ESRP1: variants seen among roughly 807,000 people sequenced by gnomAD.
ESRP1 encodes RNA-binding motif protein 35A.
Under a neutral mutation model 81.7 loss-of-function variants are expected in ESRP1, and 33 were observed. The ratio of observed to expected loss-of-function variants is 0.40; its 90% CI spans 0.31 to 0.54. The LOEUF is 0.54. Ranked by LOEUF, ESRP1 falls within the 20% of genes least tolerant of loss-of-function variation. The pLI, the probability that ESRP1 is intolerant of heterozygous loss-of-function variation, is 0.41. For synonymous variants in ESRP1, 320 were observed against 303.3 expected (o/e 1.06, Z -0.57); for missense variants, 672 against 833.1 (o/e 0.81, Z 2.38).
chr8:94,641,939 C>T lies in ESRP1; in HGVS notation c.133-17C>T. 6.2e-7 allele frequency: 1 copy of T among 1,613,232 alleles called. No homozygotes were observed. Among genetic ancestry groups the T allele is most frequent in the South Asian group, 1.1e-5 (1 of 91,034 alleles). On this transcript the variant is annotated splice_polypyrimidine_tract_variant and intron_variant, in intron 1 of 15. Coordinates refer to ENST00000433389, the MANE Select transcript of ESRP1 (RefSeq NM_017697.4). Reference sequence around the variant, plus strand: ...CGAAATTGGGGGAAACTGACCCGTGCTTCTCTACCTTCGGAGGTGGGACAG... The same window carrying T: ...CGAAATTGGGGGAAACTGACCCGTGTTTCTCTACCTTCGGAGGTGGGACAG...
chr8:94,694,454 A>G (rs1468020581), intron 14 of ESRP1, among the ~76,000 whole-genome samples: 1 of 152,120 alleles, frequency 6.6e-6, no homozygotes, highest in East Asian at 1.9e-4. Context: ...AAATACAAAA[A>G]CTAGCCAGGC....
chr8:94,671,731 C>G (rs1819340117), intron 11 of ESRP1, 60 bp downstream of exon 11: 1 of 1,149,042 alleles, frequency 8.7e-7, no homozygotes, highest in Non-Finnish European at 1.2e-6. Flanking sequence ...TGAGAAATAT[C>G]TAATATTAGA....
chr8:94,695,559 C>T (rs936807132), intron 14 of ESRP1, among the ~76,000 whole-genome samples: 6 of 150,638 alleles, frequency 4.0e-5, no homozygotes, highest in African/African-American at 1.5e-4. Context: ...TTTTACCATG[C>T]TGGCCAGGCT....
chr8:94,683,049 A>G (rs1274646809), intron 13 of ESRP1, among the ~76,000 whole-genome samples: 1 of 144,822 alleles, frequency 6.9e-6, no homozygotes, highest in African/African-American at 2.6e-5. Flanking sequence ...GGTTCAAGCA[A>G]TTCTCCTGCC....
At chr8:94,703,105 A>AGTG (rs1809905349) in intron 15 of ESRP1, among the ~76,000 whole-genome samples, 1 of 77,312 alleles carries the variant, frequency 1.3e-5, no homozygotes, top group East Asian at 3.2e-4. Context: ...TCTGAGATTG[A>AGTG]TTGTTTTTTT....
Position 94,706,008 on chromosome 8 carries a change from G to T in ESRP1, c.*119G>T. The T allele has an allele frequency of 6.9e-7, 1 of 1,455,156 alleles. No homozygotes were observed. The allele number at this position is 1,455,156 out of a possible 1,614,324, so 90.1% of individuals were successfully genotyped here. A position where few individuals can be genotyped will look rare whatever the true frequency, so the allele number is the denominator to read the frequency against. On this transcript the variant is annotated 3_prime_UTR_variant, in exon 16 of 16. Transcript: ENST00000433389. Reference sequence around the variant, plus strand: ...TTCAGGGGAAGTTTGTCTACACTCAGGCTGCAGTATTTTCAGCAAACTTGA... The same window carrying T: ...TTCAGGGGAAGTTTGTCTACACTCATGCTGCAGTATTTTCAGCAAACTTGA...
chr8:94,641,261 A>C lies in ESRP1; in HGVS notation c.-58A>C. On this transcript the variant is annotated 5_prime_UTR_variant, in exon 1 of 16. Coordinates refer to ENST00000433389, the MANE Select transcript of ESRP1 (RefSeq NM_017697.4). ...GTTTAGCACAGGTTTTTTCGTTCTC[A>C]CTTCCACACCACCTTACCGCCTCCC... 1 of 1,548,462 alleles carries C rather than the reference A, an allele frequency of 6.5e-7. No homozygotes were observed. The highest frequency in any genetic ancestry group is 1.2e-5 in the South Asian group (1 of 86,036).
At chr8:94,668,803 G>GTGTGTGTGTGTGTGTT (rs1160118019) in intron 10 of ESRP1, among the ~76,000 whole-genome samples, 1 of 151,556 alleles carries the variant, frequency 6.6e-6, no homozygotes, top group Non-Finnish European at 1.5e-5. Flanking sequence ...GTGTGTGTGT[G>GTGTGTGTGTGTGTGTT]TGTGTTTGAG....
chr8:94,702,848 G>A (rs1459211617), intron 15 of ESRP1, among the ~76,000 whole-genome samples: 6 of 152,144 alleles, frequency 3.9e-5, no homozygotes, highest in African/African-American at 9.7e-5. Context: ...CACCATGCCT[G>A]GCTGTAGAAT....
intron 13 of ESRP1, among the ~76,000 whole-genome samples, chr8:94,689,458 T>C (rs1251856968): frequency 1.3e-5 from 2 of 152,188 alleles, no homozygotes; most frequent in East Asian, 3.9e-4. Flanking sequence ...AGAAATGCAG[T>C]TGATTTATTT....
At chr8:94,682,643 AG>A (rs1323566510) in intron 13 of ESRP1, among the ~76,000 whole-genome samples, 9 of 151,516 alleles carry the variant, frequency 5.9e-5, no homozygotes, top group Non-Finnish European at 1.3e-4. Context: ...CTGGGATTAC[AG>A]GTGTGAGCCA....
chr8:94,697,316 T>C (rs971169757), intron 15 of ESRP1, among the ~76,000 whole-genome samples: 7 of 152,164 alleles, frequency 4.6e-5, no homozygotes, highest in African/African-American at 1.4e-4. Context: ...AACTCAGTGG[T>C]TTTTAGTATA....
chr8:94,666,262 T>C (rs1157581839), intron 9 of ESRP1, among the ~76,000 whole-genome samples: 2 of 152,242 alleles, frequency 1.3e-5, no homozygotes, highest in African/African-American at 4.8e-5. Flanking sequence ...GGCTTGTGCC[T>C]GTAATTCCAG....
chr8:94,652,655 G>C (rs1404406944), intron 4 of ESRP1, among the ~76,000 whole-genome samples: 2 of 152,016 alleles, frequency 1.3e-5, no homozygotes, highest in African/African-American at 4.8e-5. Context: ...TTTGTTAGCT[G>C]TTTGTCAGGA....
intron 3 of ESRP1, 21 bp downstream of exon 3, chr8:94,643,437 G>A (rs1192761707): frequency 1.3e-6 from 2 of 1,544,238 alleles, no homozygotes; most frequent in Non-Finnish European, 1.8e-6. Flanking sequence ...TGGCTTCTGG[G>A]AAAAAAATGG....
chr8:94,696,922 T>C lies in ESRP1; in HGVS notation c.2042T>C (p.Ile681Thr), dbSNP rs1358236404. The change falls in exon 15 of 16, where the codon ATT becomes ACT. Residue 681 changes from isoleucine (I) to threonine (T), a missense_variant. Transcript: ENST00000433389. ...ARTLPKEWVC[I>T] is the part of the protein sequence containing the mutation. The stretch of plus-strand genomic sequence containing the variant: ...ACTCTACCCAAAGAATGGGTTTGTA[T>C]TTAAGGGCCCCAGCAGTTAGAACAT... 6.3e-7 allele frequency: 1 copy of C among 1,586,244 alleles called. No homozygotes were observed. Among genetic ancestry groups the C allele is most frequent in the Admixed American group, 1.8e-5 (1 of 55,622 alleles).
At chr8:94,700,347 A>G (rs960330764) in intron 15 of ESRP1, among the ~76,000 whole-genome samples, 3 of 152,214 alleles carry the variant, frequency 2.0e-5, no homozygotes, top group African/African-American at 7.2e-5. Flanking sequence ...CGTGTAAGAA[A>G]GAGGCAGAGG....
intron 6 of ESRP1, 68 bp from the exon 7 acceptor site, chr8:94,664,629 G>C: frequency 9.0e-7 from 1 of 1,105,602 alleles, no homozygotes; most frequent in Non-Finnish European, 1.4e-6. Flanking sequence ...CAGTTGTCTT[G>C]CAGGGGGTAA....
rs573249194 is a variant in ESRP1, at chr8:94,700,364, A to G, written c.*35+3403A>G. Reference sequence around the variant, plus strand: ...TGTAAGAAAGAGGCAGAGGGAAATCAGACAGAGACACATACAGAAGAGGAG... The same window carrying G: ...TGTAAGAAAGAGGCAGAGGGAAATCGGACAGAGACACATACAGAAGAGGAG... On this transcript the variant is annotated intron_variant, in intron 15 of 15. Coordinates refer to ENST00000433389, the MANE Select transcript of ESRP1 (RefSeq NM_017697.4). 3.3e-5 allele frequency among the ~76,000 whole-genome samples: 5 copies of G among 152,238 alleles called. No homozygotes were observed. In the South Asian group the frequency reaches 1.0e-3, roughly 31 times the overall value.
Sources: allele counts gnomAD v4.1 joint callset (sites outside exome capture counted in the v4.1 genomes callset), GRCh38; gene constraint gnomAD v4.1.1; transcripts MANE v1.5; gene names NCBI Gene and HGNC (gene_info 2026-07-23, HGNC 2026-07-21).